Variants in DLGAP2 observed in about 807,000 individuals in gnomAD.
DLGAP2 encodes the protein disks large-associated protein 2.
A neutral mutation model predicts 100.3 loss-of-function variants in DLGAP2; 26 were observed. The observed-to-expected ratio is 0.26, with a 90% CI of 0.19 to 0.36. The LOEUF (loss-of-function observed/expected upper bound fraction) is 0.36. Among genes scored for constraint, DLGAP2 ranks in the 10% least tolerant of loss-of-function variants. DLGAP2 has a pLI of 1.00. For synonymous variants in DLGAP2, 886 were observed against 630.1 expected, an observed-to-expected ratio of 1.41 and a Z score of -6.08; for missense variants, 1,858 against 1,453.2, an observed-to-expected ratio of 1.28 and a Z score of -4.53.
chr8:951,237 G>C (rs11776082), intron 2 of DLGAP2, among the ~76,000 whole-genome samples: 37,661 of 152,020 alleles, frequency 0.25, 5,035 homozygotes, highest in African/African-American at 0.33. Flanking sequence ...TTAAAAAATA[G>C]TGCAGTGACT....
chr8:920,949 C>T (rs1281514391), intron 2 of DLGAP2, among the ~76,000 whole-genome samples: 3 of 152,264 alleles, frequency 2.0e-5, no homozygotes, highest in African/African-American at 2.4e-5. Flanking sequence ...CACTTTCCCT[C>T]GTTTTTGTTA....
At chr8:1,119,945 A>G (rs1283858703) in intron 2 of DLGAP2, among the ~76,000 whole-genome samples, 1 of 152,202 alleles carries the variant, frequency 6.6e-6, no homozygotes, top group African/African-American at 2.4e-5. Context: ...CCTTTCTGGA[A>G]GGCTGCTATA....
At chr8:1,275,790 A>T (rs1490460331) in intron 3 of DLGAP2, among the ~76,000 whole-genome samples, 1 of 129,666 alleles carries the variant, frequency 7.7e-6, no homozygotes, top group East Asian at 2.0e-4. Flanking sequence ...AAAATATATA[A>T]TATATAAATA....
At chr8:1,683,026 C>G (rs73672928) in intron 12 of DLGAP2, among the ~76,000 whole-genome samples, 1 of 151,204 alleles carries the variant, frequency 6.6e-6, no homozygotes, top group Non-Finnish European at 1.5e-5. Context: ...TTACTTACGA[C>G]GAAGCAAGCC....
chr8:1,650,210 T>C (rs1290497336), intron 8 of DLGAP2, among the ~76,000 whole-genome samples: 1 of 152,218 alleles, frequency 6.6e-6, no homozygotes, highest in Non-Finnish European at 1.5e-5. Flanking sequence ...AAATATGTAT[T>C]TGGTACCTGA....
chr8:960,477 C>T lies in DLGAP2; in HGVS notation c.73+52511C>T, dbSNP rs562681952. 8.8e-4 allele frequency among the ~76,000 whole-genome samples: 134 copies of T among 152,046 alleles called. 1 individual carries two copies. Among genetic ancestry groups the T allele is most frequent in the Non-Finnish European group, 1.5e-3 (102 of 67,980 alleles). On this transcript the variant is annotated intron_variant, in intron 2 of 14. Transcript: ENST00000637795. ...GAACTCCTCCTGACCACAGGCAATC[C>T]GTCTGCCTTGGCCTCCCAAAGTGCT...
intron 2 of DLGAP2, among the ~76,000 whole-genome samples, chr8:1,148,725 A>T (rs1239537312): frequency 6.6e-6 from 1 of 152,152 alleles, no homozygotes; most frequent in African/African-American, 2.4e-5. Flanking sequence ...GCCATTTTCT[A>T]GTTAGCTTTT....
intron 3 of DLGAP2, among the ~76,000 whole-genome samples, chr8:1,483,292 G>T (rs1470687902): frequency 6.6e-6 from 1 of 152,202 alleles, no homozygotes; most frequent in Non-Finnish European, 1.5e-5. Flanking sequence ...TCTAGACTCT[G>T]CCCCACGCGT....
At chr8:1,661,148 C>G (rs12114075) in intron 8 of DLGAP2, among the ~76,000 whole-genome samples, 6,361 of 152,268 alleles carry the variant, frequency 0.042, 445 homozygotes, top group African/African-American at 0.14. Flanking sequence ...AAATCCTTTT[C>G]AAAGCCTTTC....
chr8:1,667,030 C>T (rs530470770), intron 8 of DLGAP2, among the ~76,000 whole-genome samples: 1 of 152,326 alleles, frequency 6.6e-6, no homozygotes, highest in Admixed American at 6.5e-5. Context: ...CACTCACCTA[C>T]GTCACAAGCA....
chr8:1,361,246 A>G (rs140985691), intron 3 of DLGAP2, among the ~76,000 whole-genome samples: 243 of 152,292 alleles, frequency 1.6e-3, no homozygotes, highest in Non-Finnish European at 2.6e-3. Flanking sequence ...TGACTCCCCA[A>G]GGACAGCAGA....
intron 3 of DLGAP2, among the ~76,000 whole-genome samples, chr8:1,463,580 G>C (rs1253228882): frequency 6.6e-6 from 1 of 152,246 alleles, no homozygotes; most frequent in Non-Finnish European, 1.5e-5. Flanking sequence ...CGCGTTGAGG[G>C]GTCCAGTGGT....
At chr8:1,201,690 C>T (rs565683105) in intron 2 of DLGAP2, among the ~76,000 whole-genome samples, 1 of 152,324 alleles carries the variant, frequency 6.6e-6, no homozygotes, top group East Asian at 1.9e-4. Flanking sequence ...GTGGTCCAGG[C>T]CGTGGGATCC....
At chr8:1,275,644 C>A (rs2116937594) in intron 3 of DLGAP2, among the ~76,000 whole-genome samples, 2 of 148,062 alleles carry the variant, frequency 1.4e-5, no homozygotes, top group African/African-American at 5.0e-5. Context: ...CCAAGTAGTT[C>A]TCACTCTAGG....
intron 3 of DLGAP2, among the ~76,000 whole-genome samples, chr8:1,267,700 C>G (rs1367254900): frequency 6.6e-6 from 1 of 152,072 alleles, no homozygotes; most frequent in East Asian, 1.9e-4. Context: ...CCCACGTCCT[C>G]CGTGTCGCTG....
At chr8:945,354 A>G (rs918499897) in intron 2 of DLGAP2, among the ~76,000 whole-genome samples, 7 of 152,196 alleles carry the variant, frequency 4.6e-5, no homozygotes, top group African/African-American at 1.4e-4. Context: ...TCATTGGCCT[A>G]TGGAGAAAGA....
chr8:1,654,070 A>G (rs1798227712), intron 8 of DLGAP2, among the ~76,000 whole-genome samples: 1 of 152,194 alleles, frequency 6.6e-6, no homozygotes, highest in South Asian at 2.1e-4. Flanking sequence ...TCTCATCATC[A>G]AATAAAATAC....
At chr8:1,533,638 A>G (rs1336570146) in intron 4 of DLGAP2, among the ~76,000 whole-genome samples, 1 of 152,170 alleles carries the variant, frequency 6.6e-6, no homozygotes. Flanking sequence ...TTAACTTGCA[A>G]TGTTTATACC....
chr8:1,317,291 A>C (rs375691910), intron 3 of DLGAP2, among the ~76,000 whole-genome samples: 22 of 120,104 alleles, frequency 1.8e-4, no homozygotes, highest in East Asian at 5.2e-4. Context: ...ACACTCGAGA[A>C]ACTCGGCAGC....
Sources: gnomAD v4.1 joint callset for allele counts (sites outside exome capture counted in the v4.1 genomes callset) on GRCh38, gnomAD v4.1.1 for gene constraint, MANE v1.5 for transcripts, NCBI Gene and HGNC (gene_info 2026-07-23, HGNC 2026-07-21) for gene names.